The following GPC5 variants were observed in gnomAD, a reference collection of about 807,000 sequenced individuals.
GPC5 encodes the protein glypican-5.
Under a neutral mutation model 53.9 loss-of-function variants are expected in GPC5, and 47 were observed. The ratio of observed to expected loss-of-function variants is 0.87; its 90% CI spans 0.69 to 1.11. The LOEUF is 1.11. GPC5 is among the 50% of genes most tolerant of loss of function. The pLI is 0.00. For missense variants in GPC5, 748 were observed against 713.1 expected (o/e 1.05, Z -0.56); for synonymous variants, 286 against 263.3 (o/e 1.09, Z -0.84).
intron 7 of GPC5, among the ~76,000 whole-genome samples, chr13:92,661,293 CA>C (rs1010935119): frequency 2.2e-5 from 3 of 137,986 alleles, no homozygotes; most frequent in African/African-American, 8.2e-5. Flanking sequence ...GACCCTCTCT[CA>C]AAAAAAAACA....
intron 7 of GPC5, among the ~76,000 whole-genome samples, chr13:92,762,820 A>T (rs1282439215): frequency 1.3e-5 from 2 of 151,560 alleles, no homozygotes; most frequent in Non-Finnish European, 2.9e-5. Flanking sequence ...TTCAAGTTAG[A>T]GATTCTTTCT....
chr13:91,585,534 G>A (rs987689742), intron 2 of GPC5, among the ~76,000 whole-genome samples: 16 of 152,100 alleles, frequency 1.1e-4, no homozygotes, highest in African/African-American at 3.9e-4. Context: ...AAAGGAATGA[G>A]GTATACTGTG....
intron 5 of GPC5, among the ~76,000 whole-genome samples, chr13:91,773,073 T>C (rs1400780201): frequency 6.6e-6 from 1 of 152,182 alleles, no homozygotes; most frequent in Non-Finnish European, 1.5e-5. Context: ...CGGTATCTAA[T>C]GGGATTCCAT....
intron 7 of GPC5, among the ~76,000 whole-genome samples, chr13:92,706,901 T>G (rs1335573192): frequency 6.6e-6 from 1 of 152,174 alleles, no homozygotes; most frequent in Non-Finnish European, 1.5e-5. Context: ...CACAGGTAAT[T>G]AGGATTAGAT....
intron 5 of GPC5, among the ~76,000 whole-genome samples, chr13:91,816,053 A>C (rs1457816116): frequency 6.6e-6 from 1 of 152,122 alleles, no homozygotes; most frequent in African/African-American, 2.4e-5. Flanking sequence ...ATAAAATTTA[A>C]GTGCTGTGAT....
At chr13:92,716,807 C>A (rs1888345419) in intron 7 of GPC5, among the ~76,000 whole-genome samples, 1 of 152,116 alleles carries the variant, frequency 6.6e-6, no homozygotes, top group Non-Finnish European at 1.5e-5. Flanking sequence ...GAAACAAATT[C>A]TATGCTGAAA....
At chr13:92,291,416 C>A (rs1369216215) in intron 7 of GPC5, among the ~76,000 whole-genome samples, 2 of 152,090 alleles carry the variant, frequency 1.3e-5, no homozygotes, top group African/African-American at 4.8e-5. Context: ...CAATCAGCAC[C>A]CTGTGTCTAG....
chr13:91,728,044 TA>T (rs1236359081), intron 3 of GPC5, among the ~76,000 whole-genome samples: 1 of 152,168 alleles, frequency 6.6e-6, no homozygotes, highest in African/African-American at 2.4e-5. Context: ...GAGATCTTCA[TA>T]TTAAAAATAT....
intron 2 of GPC5, among the ~76,000 whole-genome samples, chr13:91,583,840 C>CA (rs2032461337): frequency 6.6e-6 from 1 of 152,068 alleles, no homozygotes. Flanking sequence ...CAATACTTAC[C>CA]AGTGTACCAG....
intron 2 of GPC5, among the ~76,000 whole-genome samples, chr13:91,576,306 G>A (rs959602774): frequency 2.1e-5 from 2 of 93,750 alleles, no homozygotes; most frequent in Admixed American, 1.4e-4. Context: ...GTTTAATTTA[G>A]CCAATACACA....
intron 7 of GPC5, among the ~76,000 whole-genome samples, chr13:92,438,931 C>T (rs1392067185): frequency 6.6e-6 from 1 of 152,062 alleles, no homozygotes; most frequent in East Asian, 1.9e-4. Context: ...CCATTTCAAA[C>T]ATGAAAAATT....
intron 7 of GPC5, among the ~76,000 whole-genome samples, chr13:92,375,532 C>G (rs1162300962): frequency 6.6e-6 from 1 of 152,122 alleles, no homozygotes; most frequent in African/African-American, 2.4e-5. Context: ...GTTCAAAGTG[C>G]CTCAGCAGGC....
intron 7 of GPC5, among the ~76,000 whole-genome samples, chr13:92,749,622 CAAT>C (rs1377684995): frequency 4.6e-5 from 7 of 152,134 alleles, no homozygotes; most frequent in Admixed American, 4.6e-4. Context: ...GAGTACACAT[CAAT>C]AATAATATGC....
At chr13:92,505,401 T>G (rs762527522) in intron 7 of GPC5, among the ~76,000 whole-genome samples, 2 of 151,940 alleles carry the variant, frequency 1.3e-5, no homozygotes, top group Middle Eastern at 3.4e-3. Flanking sequence ...TCAATGAAAA[T>G]CATGAGATAT....
chr13:92,006,015 T>A (rs892113106), intron 6 of GPC5, among the ~76,000 whole-genome samples: 1 of 152,190 alleles, frequency 6.6e-6, no homozygotes, highest in Admixed American at 6.6e-5. Context: ...ATACTTAGCA[T>A]CTACCCCAAG....
At chr13:91,537,113 C>A (rs1479238055) in intron 2 of GPC5, among the ~76,000 whole-genome samples, 3 of 151,962 alleles carry the variant, frequency 2.0e-5, no homozygotes, top group Non-Finnish European at 2.9e-5. Flanking sequence ...GGTTTCAGAT[C>A]AATAATCTAA....
chr13:91,726,035 T>G lies in GPC5; in HGVS notation c.1021-2497T>G, dbSNP rs373569541. On this transcript the variant is annotated intron_variant, in intron 3 of 7. Coordinates refer to ENST00000377067, the MANE Select transcript of GPC5 (RefSeq NM_004466.6). ...TCAACTTAGATCGTCTTCCTTGGGT[T>G]CTTGTTACTAGGAGTTGTTGATGAA... Among the ~76,000 whole-genome samples, 49 of 152,326 alleles carry G rather than the reference T, an allele frequency of 3.2e-4. No individual in the cohort carries two copies. In the South Asian group the frequency reaches 9.9e-3, roughly 31 times the overall value.
At chr13:91,849,171 C>T (rs1443604427) in intron 5 of GPC5, among the ~76,000 whole-genome samples, 2 of 152,176 alleles carry the variant, frequency 1.3e-5, no homozygotes, top group Non-Finnish European at 2.9e-5. Context: ...GCATTTGCTT[C>T]TGCTGGGTTT....
chr13:91,505,789 C>T (rs1394487098), intron 2 of GPC5, among the ~76,000 whole-genome samples: 2 of 152,096 alleles, frequency 1.3e-5, no homozygotes, highest in Non-Finnish European at 2.9e-5. Context: ...TGTAAGATAC[C>T]ACTTTAACTG....
Sources: gnomAD v4.1 joint callset for allele counts (sites outside exome capture counted in the v4.1 genomes callset) on GRCh38, gnomAD v4.1.1 for gene constraint, MANE v1.5 for transcripts, NCBI Gene and HGNC (gene_info 2026-07-23, HGNC 2026-07-21) for gene names.